The following PRKX variants were observed in gnomAD, a reference collection of about 807,000 sequenced individuals.
PRKX encodes the protein protein kinase cAMP-dependent X-linked catalytic subunit.
A neutral mutation model predicts 22.0 loss-of-function variants in PRKX; 12 were observed. That is an observed-to-expected ratio of 0.54 (90% CI 0.35 to 0.88). The LOEUF (loss-of-function observed/expected upper bound fraction) is 0.88, where lower values mean the gene tolerates loss of function less well. Among genes scored for constraint, PRKX ranks in the 40% least tolerant of loss-of-function variants. The probability of loss-of-function intolerance (pLI) is 0.01; values close to 1 mark genes in which losing one functional copy is unlikely to be tolerated. For missense variants in PRKX, 217 were observed against 308.0 expected (o/e 0.70, Z 2.21); for synonymous variants, 134 against 137.7 (o/e 0.97, Z 0.19).
intron 3 of PRKX, among the ~76,000 whole-genome samples, chrX:3,648,532 T>C (rs1433000675): frequency 9.4e-6 from 1 of 105,902 alleles, no homozygotes; most frequent in Non-Finnish European, 1.9e-5. Context: ...AAAAACAAAG[T>C]GACAAAGCTT....
At chrX:3,616,036 G>A in intron 6 of PRKX, 144 bp from the exon 7 acceptor site, 1 of 525,118 alleles carries the variant, frequency 1.9e-6, no homozygotes, top group Non-Finnish European at 3.2e-6. Flanking sequence ...TGCCTGGAGG[G>A]TGAGCTGCCA....
intron 2 of PRKX, among the ~76,000 whole-genome samples, chrX:3,666,911 T>TTTA (rs1555896018): frequency 1.2e-3 from 79 of 65,776 alleles, no homozygotes; most frequent in South Asian, 1.7e-3. Context: ...TCATTTCTTT[T>TTTA]AAAAAAAAAA....
intron 4 of PRKX, among the ~76,000 whole-genome samples, chrX:3,638,543 T>C (rs1329432419): frequency 1.8e-5 from 2 of 111,731 alleles, no homozygotes; most frequent in African/African-American, 3.3e-5. Flanking sequence ...GCCTAAGTTA[T>C]TTTTAACCTT....
chrX:3,605,450 G>T lies in PRKX; in HGVS notation c.*3519C>A, dbSNP rs755015945. ...TGGTGGGGTATTTGTGCAGCCTGAGGTGCACCTGGCTACAGAGTGGAGCCT... is the reference window on the plus strand; with the variant it reads ...TGGTGGGGTATTTGTGCAGCCTGAGTTGCACCTGGCTACAGAGTGGAGCCT... On this transcript the variant is annotated 3_prime_UTR_variant, in exon 9 of 9. Coordinates refer to ENST00000262848, the MANE Select transcript of PRKX (RefSeq NM_005044.5). 1.9e-4 allele frequency: 21 copies of T among 109,269 alleles called. No individual in the cohort carries two copies. Among genetic ancestry groups the T allele is most frequent in the African/African-American group, 5.6e-4 (17 of 30,153 alleles). The allele number at this position is 109,269 out of a possible 1,213,427, so 9.0% of individuals were successfully genotyped here.
At chrX:3,696,626 C>A (rs968210743) in intron 1 of PRKX, among the ~76,000 whole-genome samples, 3 of 112,116 alleles carry the variant, frequency 2.7e-5, no homozygotes, top group Non-Finnish European at 5.6e-5. Context: ...ATCGTAAAAT[C>A]AAAAAATCTT....
At position 3,713,414 on chromosome X, in the gene PRKX, C is replaced by G. The variant is rs1228424016; in HGVS notation, c.-161G>C. The G allele has an allele frequency of 2.6e-6, 1 of 385,760 alleles. No homozygotes were observed. The highest frequency in any genetic ancestry group is 2.7e-5 in the African/African-American group (1 of 37,549). 31.8% of individuals were successfully genotyped at this position (385,760 alleles called of 1,213,427 possible). On this transcript the variant is annotated 5_prime_UTR_variant, in exon 1 of 9. Coordinates refer to ENST00000262848, the MANE Select transcript of PRKX (RefSeq NM_005044.5). ...GCGCGGTCCGGCGCGGCTGACGGAG[C>G]GACGGGGACAATGGCTGGGCGGCGC...
chrX:3,619,566 A>C (rs1163586270), intron 6 of PRKX, among the ~76,000 whole-genome samples: 1 of 110,001 alleles, frequency 9.1e-6, no homozygotes, highest in African/African-American at 3.3e-5. Context: ...ACACAGACAC[A>C]GAGAAGGCCA....
At chrX:3,682,900 C>T (rs1394868580) in intron 1 of PRKX, among the ~76,000 whole-genome samples, 4 of 110,354 alleles carry the variant, frequency 3.6e-5, no homozygotes, top group Non-Finnish European at 5.7e-5. Flanking sequence ...GTGAGGTCAT[C>T]CAAAATTGGA....
At chrX:3,661,181 C>T (rs1456230573) in intron 2 of PRKX, among the ~76,000 whole-genome samples, 2 of 111,767 alleles carry the variant, frequency 1.8e-5, no homozygotes, top group African/African-American at 6.5e-5. Flanking sequence ...CAAGTAAAAA[C>T]ATACTCCTTT....
chrX:3,678,430 C>G (rs1928007434), intron 1 of PRKX, among the ~76,000 whole-genome samples: 1 of 111,895 alleles, frequency 8.9e-6, no homozygotes, highest in African/African-American at 3.2e-5. Flanking sequence ...GTATTTGACC[C>G]TCAACAGAGA....
intron 5 of PRKX, among the ~76,000 whole-genome samples, chrX:3,623,094 GA>G (rs79143615): frequency 0.23 from 24,135 of 106,533 alleles, 2,562 homozygotes; most frequent in Non-Finnish European, 0.32. Context: ...TTATAGGGGG[GA>G]AAAAAAGCCC....
intron 5 of PRKX, 152 bp from the exon 6 acceptor site, chrX:3,621,468 C>T: frequency 2.0e-6 from 1 of 500,252 alleles, no homozygotes; most frequent in Non-Finnish European, 3.3e-6. Flanking sequence ...TGCTTATTTC[C>T]TACCATCACC....
At chrX:3,629,975 G>GA (rs1926736863) in intron 4 of PRKX, among the ~76,000 whole-genome samples, 1 of 111,865 alleles carries the variant, frequency 8.9e-6, no homozygotes, top group Non-Finnish European at 1.9e-5. Flanking sequence ...TGGAGACCAG[G>GA]AAAAAGACAG....
chrX:3,645,381 G>A (rs1927166758), intron 3 of PRKX, among the ~76,000 whole-genome samples: 1 of 111,324 alleles, frequency 9.0e-6, no homozygotes, highest in African/African-American at 3.3e-5. Flanking sequence ...CACGCCTTCC[G>A]CCACACCTGC....
At chrX:3,613,230 T>C (rs1335101776) in intron 7 of PRKX, among the ~76,000 whole-genome samples, 1 of 102,960 alleles carries the variant, frequency 9.7e-6, no homozygotes, top group Non-Finnish European at 2.0e-5. Flanking sequence ...CCAGATTATA[T>C]AGTCAAGTGC....
intron 1 of PRKX, among the ~76,000 whole-genome samples, chrX:3,689,040 T>C (rs1928241537): frequency 8.9e-6 from 1 of 112,328 alleles, no homozygotes; most frequent in Admixed American, 9.5e-5. Flanking sequence ...TTTCACTATA[T>C]AACTTTCTCA....
chrX:3,667,642 C>A (rs1324051482), intron 2 of PRKX, among the ~76,000 whole-genome samples: 3 of 110,863 alleles, frequency 2.7e-5, no homozygotes, highest in African/African-American at 9.8e-5. Context: ...TCCTCACTGT[C>A]CAGCAGCCCA....
intron 1 of PRKX, among the ~76,000 whole-genome samples, chrX:3,679,141 G>A (rs1050312521): frequency 5.4e-5 from 6 of 111,461 alleles, no homozygotes; most frequent in African/African-American, 1.3e-4. Flanking sequence ...CTGAGGTTTC[G>A]GCTTCTAATG....
intron 1 of PRKX, among the ~76,000 whole-genome samples, chrX:3,694,892 G>T (rs936994265): frequency 9.0e-6 from 1 of 111,679 alleles, no homozygotes; most frequent in Admixed American, 9.6e-5. Flanking sequence ...GCCGGGAGAG[G>T]CAGGAAGCTT....
Sources: gnomAD v4.1 joint callset for allele counts (sites outside exome capture counted in the v4.1 genomes callset) on GRCh38, gnomAD v4.1.1 for gene constraint, MANE v1.5 for transcripts, NCBI Gene and HGNC (gene_info 2026-07-23, HGNC 2026-07-21) for gene names.